Variants in ADGRE3 observed in about 807,000 individuals in gnomAD.
ADGRE3 encodes the protein adhesion G protein-coupled receptor E3, also known as EGF-like module receptor 3.
ADGRE3 carries 88 observed loss-of-function variants against 80.1 expected under a neutral mutation model. That is an observed-to-expected ratio of 1.10 (90% CI 0.93 to 1.31). ADGRE3 has a LOEUF of 1.31. ADGRE3 is among the 40% of genes most tolerant of loss of function. The pLI is 0.00. For missense variants in ADGRE3, 715 were observed against 776.5 expected (o/e 0.92, Z 0.94); for synonymous variants, 281 against 294.8 (o/e 0.95, Z 0.48).
Position 14,630,171 on chromosome 19 carries a change from G to A in ADGRE3, c.1680C>T (p.Ile560=), listed in dbSNP as rs767112740. 1 of 1,611,584 alleles carries A rather than the reference G, an allele frequency of 6.2e-7. No homozygotes were observed. Among genetic ancestry groups the A allele is most frequent in the South Asian group, 1.1e-5 (1 of 90,740 alleles). The change falls in exon 14 of 16, where the codon ATC becomes ATT. Residue 560 remains isoleucine (I), a synonymous_variant. Coordinates refer to ENST00000253673, the MANE Select transcript of ADGRE3 (RefSeq NM_032571.5). ...LAFKATAQLF[I]LGCTWCLGLL... The stretch of plus-strand genomic sequence containing the variant: ...AGCCCAGACACCATGTGCAGCCCAG[G>A]ATGAAGAGCTGAGCTGTTGCTTTGA...
chr19:14,633,281 C>T lies in ADGRE3; in HGVS notation c.1506G>A (p.Gln502=), dbSNP rs1423168174. ...GGCCAAGGAAACTCCACATGAATCC[C>T]TGGTCCAGGTGGAGCCAGCATCTAG... is the stretch of plus-strand genomic sequence containing the variant. ...TADRCWLHLD[Q]GFMWSFLGPV... The change falls in exon 12 of 16, where the codon CAG becomes CAA. Residue 502 remains glutamine (Q), a synonymous_variant. Transcript: ENST00000253673. The T allele has an allele frequency of 2.5e-6, 4 of 1,612,356 alleles. No homozygotes were observed. In the African/African-American group the frequency reaches 4.0e-5, roughly 16 times the overall value.
rs546186477 is a variant in ADGRE3, at chr19:14,635,984, C to G, written c.1484+2121G>C. 2.0e-4 allele frequency among the ~76,000 whole-genome samples: 16 copies of G among 78,368 alleles called. 1 individual carries two copies. The highest frequency in any genetic ancestry group is 5.7e-4 in the African/African-American group (16 of 27,848). 51.4% of individuals were successfully genotyped at this position (78,368 alleles called of 152,430 possible). A position where few individuals can be genotyped will look rare whatever the true frequency, so the allele number is the denominator to read the frequency against. ...TTGCAAACCAGTATTGCCAATAAAG[C>G]TCTCCTTTCTCTCTCTTTCTCTTTC... is the stretch of plus-strand genomic sequence containing the variant. On this transcript the variant is annotated intron_variant, in intron 11 of 15. Transcript: ENST00000253673.
intron 6 of ADGRE3, 90 bp downstream of exon 6, chr19:14,654,892 G>T: frequency 2.1e-6 from 2 of 947,102 alleles, no homozygotes; most frequent in Non-Finnish European, 3.2e-6. Flanking sequence ...GACTCATGTG[G>T]TGTATTCAAT....
chr19:14,637,333 G>A (rs1414086681), intron 11 of ADGRE3, among the ~76,000 whole-genome samples: 3 of 151,644 alleles, frequency 2.0e-5, no homozygotes, highest in Non-Finnish European at 4.4e-5. Flanking sequence ...AACTCCTTGA[G>A]GAGATTGATT....
chr19:14,668,777 C>G, intron 2 of ADGRE3, 25 bp downstream of exon 2: 1 of 1,611,718 alleles, frequency 6.2e-7, no homozygotes, highest in East Asian at 2.2e-5. Flanking sequence ...TCCACAAGTT[C>G]TCTGTTCTGG....
chr19:14,667,344 GT>G (rs141442018), intron 2 of ADGRE3, among the ~76,000 whole-genome samples: 7,293 of 139,378 alleles, frequency 0.052, 219 homozygotes, highest in Middle Eastern at 0.1. Context: ...CTTCTTTTCT[GT>G]TTTTTTTTTT....
In ADGRE3 at chr19:14,664,684, C is replaced by T. The variant is rs113211674; in HGVS notation, c.77-1144G>A. Among the ~76,000 whole-genome samples, 17 of 151,972 alleles carry T rather than the reference C, an allele frequency of 1.1e-4. No individual in the cohort carries two copies. In the South Asian group the frequency reaches 3.1e-3, roughly 28 times the overall value. ...TGGTCATGTCATTACACTGCAGCCT[C>T]GGCGACAGAGTGAGGCTCTGTCTCT... On this transcript the variant is annotated intron_variant, in intron 2 of 15. Coordinates refer to ENST00000253673, the MANE Select transcript of ADGRE3 (RefSeq NM_032571.5).
chr19:14,652,319 A>G (rs559562839), intron 6 of ADGRE3, among the ~76,000 whole-genome samples: 1 of 152,270 alleles, frequency 6.6e-6, no homozygotes, highest in East Asian at 1.9e-4. Flanking sequence ...TGTTAAGCTC[A>G]TGAAAATATG....
Position 14,630,393 on chromosome 19 carries a change from C to CTTATTTTATTTTATTTTATT in ADGRE3, c.1644-206_1644-187dup, listed in dbSNP as rs55760456. ...CCTTCTTGCAACTCAGCTCCCTCATCTTATTTTATTTTATTTTATTTTATT... is the reference window on the plus strand; with the variant it reads ...CCTTCTTGCAACTCAGCTCCCTCATCTTATTTTATTTTATTTTATTTTATTTTATTTTATTTTATTTTATT... On this transcript the variant is annotated intron_variant, in intron 13 of 15. Transcript: ENST00000253673. Among the ~76,000 whole-genome samples the CTTATTTTATTTTATTTTATT allele has an allele frequency of 4.7e-3, 705 of 148,604 alleles. 8 individuals are homozygous for CTTATTTTATTTTATTTTATT. Among genetic ancestry groups the CTTATTTTATTTTATTTTATT allele is most frequent in the African/African-American group, 0.017 (684 of 40,038 alleles).
chr19:14,618,109 T>G (rs922640468), downstream of ADGRE3, among the ~76,000 whole-genome samples: 1 of 152,170 alleles, frequency 6.6e-6, no homozygotes, highest in Non-Finnish European at 1.5e-5. Context: ...ATTTATTTAT[T>G]TATTTGTTTT....
At chr19:14,643,144 G>GTTTTTTTTTTTTTTTTTTT (rs373306807) in intron 9 of ADGRE3, among the ~76,000 whole-genome samples, 1 of 124,078 alleles carries the variant, frequency 8.1e-6, no homozygotes, top group African/African-American at 3.0e-5. Flanking sequence ...AGTAATCATG[G>GTTTTTTTTTTTTTTTTTTT]TTTTTTTTTT....
chr19:14,642,783 G>T (rs35969640), intron 9 of ADGRE3, among the ~76,000 whole-genome samples: 1 of 151,986 alleles, frequency 6.6e-6, no homozygotes, highest in African/African-American at 2.4e-5. Context: ...AGTATTCCAT[G>T]GTGTATGTAT....
chr19:14,661,945 G>A lies in ADGRE3; in HGVS notation c.355+18C>T. On this transcript the variant is annotated intron_variant, in intron 4 of 15. Coordinates refer to ENST00000253673, the MANE Select transcript of ADGRE3 (RefSeq NM_032571.5). ...CAACAACAGAGGAAGGAAGGCAGGAGGACAAAAATGTTCTTACCCTGACAG... is the reference window on the plus strand; with the variant it reads ...CAACAACAGAGGAAGGAAGGCAGGAAGACAAAAATGTTCTTACCCTGACAG... 1 of 1,612,086 alleles carries A rather than the reference G, an allele frequency of 6.2e-7. No individual in the cohort carries two copies.
intron 11 of ADGRE3, among the ~76,000 whole-genome samples, chr19:14,636,063 T>C (rs1971044398): frequency 1.1e-5 from 1 of 91,758 alleles, no homozygotes; most frequent in African/African-American, 4.6e-5. Context: ...CTTCCTTCCT[T>C]TCCTTTCCTT....
chr19:14,636,081 C>CCTTTCTTTCTTTCTTTCTTTTTCTTT, intron 11 of ADGRE3, among the ~76,000 whole-genome samples: 1 of 24,678 alleles, frequency 4.1e-5, no homozygotes, highest in East Asian at 1.5e-3. Flanking sequence ...CTTTCCTTTC[C>CCTTTCTTTCTTTCTTTCTTTTTCTTT]CTTTCTTTCT....
chr19:14,629,352 A>G (rs1449206321), intron 14 of ADGRE3, among the ~76,000 whole-genome samples: 1 of 151,990 alleles, frequency 6.6e-6, no homozygotes, highest in Non-Finnish European at 1.5e-5. Flanking sequence ...TGTTAGCTGC[A>G]TTGTTGATCT....
chr19:14,638,084 C>G, intron 11 of ADGRE3, 21 bp downstream of exon 11: 2 of 1,573,860 alleles, frequency 1.3e-6, no homozygotes, highest in Non-Finnish European at 8.7e-7. Context: ...GTCCATGACA[C>G]AAGGTGGGAT....
intron 15 of ADGRE3, among the ~76,000 whole-genome samples, chr19:14,620,463 TGAATATATTATGAGTAC>T (rs1970523809): frequency 8.4e-6 from 1 of 119,106 alleles, no homozygotes; most frequent in Non-Finnish European, 1.8e-5. Context: ...TATGAATATA[TGAATATATTATGAGTAC>T]ATATGAATAT....
intron 2 of ADGRE3, among the ~76,000 whole-genome samples, chr19:14,666,732 C>T (rs1972117743): frequency 6.6e-6 from 1 of 152,172 alleles, no homozygotes; most frequent in Non-Finnish European, 1.5e-5. Context: ...GCAAAATAGT[C>T]ACCCACTAAG....
Sources: gnomAD v4.1 joint callset for allele counts (sites outside exome capture counted in the v4.1 genomes callset) on GRCh38, gnomAD v4.1.1 for gene constraint, MANE v1.5 for transcripts, NCBI Gene and HGNC (gene_info 2026-07-23, HGNC 2026-07-21) for gene names.